The following CTNNA3 variants were observed in gnomAD, a reference collection of about 807,000 sequenced individuals.
The protein encoded by CTNNA3 is catenin alpha 3, also known as catenin alpha-3.
CTNNA3 carries 76 observed loss-of-function variants against 95.7 expected under a neutral mutation model. The ratio of observed to expected loss-of-function variants is 0.79; its 90% CI spans 0.66 to 0.96. The LOEUF is 0.96. CTNNA3 is among the 40% of genes least tolerant of loss of function. CTNNA3 has a pLI of 0.00. For synonymous variants in CTNNA3, 431 were observed against 374.4 expected (o/e 1.15, Z -1.74); for missense variants, 1,191 against 1,089.8 (o/e 1.09, Z -1.31).
At chr10:66,492,604 T>A in intron 11 of CTNNA3, among the ~76,000 whole-genome samples, 1 of 152,172 alleles carries the variant, frequency 6.6e-6, no homozygotes, top group Admixed American at 6.5e-5. Context: ...TTCCCCATTT[T>A]TTTGACAACA....
intron 5 of CTNNA3, among the ~76,000 whole-genome samples, chr10:67,428,846 C>A (rs1366059971): frequency 6.6e-6 from 1 of 151,938 alleles, no homozygotes; most frequent in Non-Finnish European, 1.5e-5. Flanking sequence ...TGCTTCCTGC[C>A]CTTGAACATC....
In CTNNA3 at chr10:66,415,648, T is replaced by G. The variant is rs115371694; in HGVS notation, c.1532-36296A>C. Among the ~76,000 whole-genome samples the G allele has an allele frequency of 4.4e-3, 668 of 152,250 alleles. 3 individuals carry two copies. Among genetic ancestry groups the G allele is most frequent in the African/African-American group, 0.015 (639 of 41,538 alleles). ...CACAGGAGCTCAAAGACTGGTCCAC[T>G]TGACCTCTGAGTCCCAAGCAAAACT... On this transcript the variant is annotated intron_variant, in intron 11 of 17. Transcript: ENST00000433211.
intron 2 of CTNNA3, among the ~76,000 whole-genome samples, chr10:67,621,482 G>T (rs764415688): frequency 1.1e-4 from 17 of 152,116 alleles, no homozygotes; most frequent in Admixed American, 2.0e-4. Context: ...AGGCGCAGTG[G>T]CTCACGCCTG....
chr10:66,759,431 CGTT>C (rs2132758806), intron 9 of CTNNA3, among the ~76,000 whole-genome samples: 2 of 152,256 alleles, frequency 1.3e-5, no homozygotes, highest in South Asian at 4.1e-4. Context: ...CAATAAATCA[CGTT>C]GTTGTCCACA....
rs185534475 is a variant in CTNNA3, at chr10:67,008,679, G to A, written c.1047+171638C>T. The stretch of plus-strand genomic sequence containing the variant: ...TCTTACAAGCTTGTTGGATTTAGAA[G>A]CCCCAGCTAGGATAGCACATCTCTG... On this transcript the variant is annotated intron_variant, in intron 7 of 17. Coordinates refer to ENST00000433211, the MANE Select transcript of CTNNA3 (RefSeq NM_013266.4). Among the ~76,000 whole-genome samples, 613 of 152,174 alleles carry A rather than the reference G, an allele frequency of 4.0e-3. 3 individuals carry two copies. Among genetic ancestry groups the A allele is most frequent in the South Asian group, 0.012 (60 of 4,816 alleles).
At chr10:67,590,909 T>G (rs373359857) in intron 3 of CTNNA3, among the ~76,000 whole-genome samples, 1 of 152,258 alleles carries the variant, frequency 6.6e-6, no homozygotes, top group South Asian at 2.1e-4. Flanking sequence ...ACTAGTTAAC[T>G]TTGAGCTAGT....
At chr10:67,616,823 T>G (rs546147767) in intron 2 of CTNNA3, among the ~76,000 whole-genome samples, 1 of 152,342 alleles carries the variant, frequency 6.6e-6, no homozygotes, top group South Asian at 2.1e-4. Context: ...CTTTTTCAAT[T>G]TAATTGTTCA....
intron 5 of CTNNA3, among the ~76,000 whole-genome samples, chr10:67,291,702 C>T (rs1233502557): frequency 6.6e-6 from 1 of 152,162 alleles, no homozygotes; most frequent in Non-Finnish European, 1.5e-5. Context: ...CCGCCACTCA[C>T]ACACAAAAAG....
intron 12 of CTNNA3, among the ~76,000 whole-genome samples, chr10:66,283,099 C>T (rs1166848256): frequency 6.6e-6 from 1 of 151,762 alleles, no homozygotes; most frequent in East Asian, 1.9e-4. Context: ...GAGGAGGGAA[C>T]ATCTAAGAAA....
chr10:65,945,142 A>ACG (rs2077496146), intron 17 of CTNNA3, among the ~76,000 whole-genome samples: 1 of 149,100 alleles, frequency 6.7e-6, no homozygotes, highest in Non-Finnish European at 1.5e-5. Flanking sequence ...TCTTCTATAA[A>ACG]TGTGTGTGTG....
At chr10:67,607,581 AT>A (rs1004160722) in intron 2 of CTNNA3, among the ~76,000 whole-genome samples, 28 of 152,120 alleles carry the variant, frequency 1.8e-4, no homozygotes, top group African/African-American at 6.5e-4. Context: ...TGTAACTTTT[AT>A]TGAAAAAAAA....
At chr10:67,185,427 T>C (rs187190569) in intron 6 of CTNNA3, among the ~76,000 whole-genome samples, 2 of 152,056 alleles carry the variant, frequency 1.3e-5, no homozygotes, top group Admixed American at 1.3e-4. Flanking sequence ...CGGCCGGCCT[T>C]TTTTTCCTTT....
intron 9 of CTNNA3, among the ~76,000 whole-genome samples, chr10:66,706,754 C>T (rs1700863551): frequency 6.6e-6 from 1 of 151,738 alleles, no homozygotes; most frequent in Admixed American, 6.6e-5. Context: ...CCATGCAGTC[C>T]ATATGAAAAG....
At chr10:66,130,969 G>C (rs1236480022) in intron 13 of CTNNA3, among the ~76,000 whole-genome samples, 1 of 150,118 alleles carries the variant, frequency 6.7e-6, no homozygotes, top group African/African-American at 2.5e-5. Flanking sequence ...TAAATTCCTG[G>C]ACACAGACAA....
chr10:67,269,050 G>A (rs1027843499), intron 5 of CTNNA3, among the ~76,000 whole-genome samples: 1 of 152,100 alleles, frequency 6.6e-6, no homozygotes, highest in Non-Finnish European at 1.5e-5. Context: ...ATGAGAGAAG[G>A]ACAGTATGGC....
chr10:67,001,503 A>G (rs1344761679), intron 7 of CTNNA3, among the ~76,000 whole-genome samples: 1 of 151,764 alleles, frequency 6.6e-6, no homozygotes, highest in Non-Finnish European at 1.5e-5. Flanking sequence ...CAGGTGGAAA[A>G]TTTAGAGGAA....
intron 13 of CTNNA3, among the ~76,000 whole-genome samples, chr10:66,206,382 G>T (rs955111610): frequency 6.1e-4 from 93 of 152,064 alleles, no homozygotes; most frequent in Non-Finnish European, 8.8e-4. Flanking sequence ...TGTGTCTACA[G>T]AATAAATGAG....
At chr10:67,206,187 T>C (rs887228819) in intron 6 of CTNNA3, among the ~76,000 whole-genome samples, 3 of 152,240 alleles carry the variant, frequency 2.0e-5, no homozygotes, top group African/African-American at 7.2e-5. Context: ...GAACTATGTA[T>C]GTAAATGGTA....
At chr10:67,670,003 C>G (rs752009875) in intron 1 of CTNNA3, among the ~76,000 whole-genome samples, 1 of 152,176 alleles carries the variant, frequency 6.6e-6, no homozygotes, top group African/African-American at 2.4e-5. Context: ...GACACTAACA[C>G]ATATTAATAA....
Sources: gnomAD v4.1 joint callset for allele counts (sites outside exome capture counted in the v4.1 genomes callset) on GRCh38, gnomAD v4.1.1 for gene constraint, MANE v1.5 for transcripts, NCBI Gene and HGNC (gene_info 2026-07-23, HGNC 2026-07-21) for gene names.